NPFFR2: variants seen among roughly 807,000 people sequenced by gnomAD.
NPFFR2 encodes G-protein coupled receptor 74.
Under a neutral mutation model 13.1 loss-of-function variants are expected in NPFFR2, and 15 were observed. The ratio of observed to expected loss-of-function variants is 1.15; its 90% confidence interval spans 0.77 to 1.76. The LOEUF (loss-of-function observed/expected upper bound fraction) is 1.76, where lower values mean the gene tolerates loss of function less well. Ranked by LOEUF, NPFFR2 falls within the 40% of genes most tolerant of loss-of-function variation. The pLI, the probability that NPFFR2 is intolerant of heterozygous loss-of-function variation, is 0.00. For missense variants in NPFFR2, 572 were observed against 503.5 expected, an observed-to-expected ratio of 1.14 and a Z score of -1.30; for synonymous variants, 190 against 175.7, an observed-to-expected ratio of 1.08 and a Z score of -0.65.
intron 1 of NPFFR2, among the ~76,000 whole-genome samples, chr4:72,094,784 A>G (rs1172531687): frequency 6.6e-6 from 1 of 152,186 alleles, no homozygotes; most frequent in Non-Finnish European, 1.5e-5. Flanking sequence ...CTGCTGCCCC[A>G]CAGAGCCTGC....
intron 1 of NPFFR2, among the ~76,000 whole-genome samples, chr4:72,103,224 G>A (rs1721308688): frequency 6.6e-6 from 1 of 152,118 alleles, no homozygotes; most frequent in Non-Finnish European, 1.5e-5. Context: ...TATAAAAATT[G>A]TTTAAGGTCT....
chr4:72,141,758 G>A (rs187924219), intron 3 of NPFFR2, among the ~76,000 whole-genome samples: 50 of 152,160 alleles, frequency 3.3e-4, no homozygotes, highest in African/African-American at 1.1e-3. Flanking sequence ...TGGAGAGTTC[G>A]GTAGGCATCT....
At chr4:72,057,389 T>C (rs983924430) in intron 1 of NPFFR2, among the ~76,000 whole-genome samples, 1 of 151,970 alleles carries the variant, frequency 6.6e-6, no homozygotes, top group African/African-American at 2.4e-5. Context: ...AAGGACCAAG[T>C]TGCCTTGAAA....
rs141155363 is a variant in NPFFR2 at position 72,118,494 on chromosome 4, C to G, written c.-7-10091C>G. Among the ~76,000 whole-genome samples the G allele has an allele frequency of 3.5e-3, 533 of 152,212 alleles. 3 individuals are homozygous for G. Among genetic ancestry groups the G allele is most frequent in the Non-Finnish European group, 5.6e-3 (378 of 68,014 alleles). On this transcript the variant is annotated intron_variant, in intron 1 of 3. Transcript: ENST00000308744. The stretch of plus-strand genomic sequence containing the variant: ...ACGCAGGTATTAATCATGAATCTAT[C>G]TTCCAGTAAATATCAATAGAAAACA...
intron 1 of NPFFR2, among the ~76,000 whole-genome samples, chr4:72,106,161 T>C (rs893039562): frequency 2.0e-5 from 3 of 151,954 alleles, no homozygotes; most frequent in Non-Finnish European, 4.4e-5. Context: ...GAGTTTAATA[T>C]ACAAGCCGAA....
chr4:72,147,255 G>A lies in NPFFR2; in HGVS notation c.706G>A (p.Val236Ile), dbSNP rs1368756571. The A allele has an allele frequency of 6.2e-7, 1 of 1,614,102 alleles. No homozygotes were observed. The highest frequency in any genetic ancestry group is 8.5e-7 in the Non-Finnish European group (1 of 1,180,030). Residue 236 changes from valine to isoleucine, a missense_variant, in exon 4 of 4, where the codon GTC becomes ATC. By Grantham distance (29) the Val-to-Ile change is conservative (BLOSUM62 3). Transcript: ENST00000308744. Reference sequence around the variant, plus strand: ...CTACCTGGCTCCCCTCTCCCTCATTGTCATCATGTATGGAAGGATTGGAAT... The same window carrying A: ...CTACCTGGCTCCCCTCTCCCTCATTATCATCATGTATGGAAGGATTGGAAT... Reference protein sequence around the residue: ...NIYLAPLSLIVIMYGRIGISL... With the variant: ...NIYLAPLSLIIIMYGRIGISL...
rs376171568 is a variant in NPFFR2 at position 72,049,158 on chromosome 4, AT to A, written c.-8+16959del. 4.7e-3 allele frequency among the ~76,000 whole-genome samples: 714 copies of A among 152,292 alleles called. 4 individuals are homozygous for A. The highest frequency in any genetic ancestry group is 0.04 in the South Asian group (191 of 4,834). ...GAATAATAAAGACAAAACTTTAAAA[AT>A]AGAACTGTTTGAACTGAGAGCTCAC... On this transcript the variant is annotated intron_variant, in intron 1 of 3. Coordinates refer to ENST00000308744, the MANE Select transcript of NPFFR2 (RefSeq NM_004885.3).
At chr4:72,091,025 A>T (rs1047142625) in intron 1 of NPFFR2, among the ~76,000 whole-genome samples, 1 of 151,562 alleles carries the variant, frequency 6.6e-6, no homozygotes, top group African/African-American at 2.4e-5. Flanking sequence ...CATAAACGTT[A>T]ATCTATTTTA....
chr4:72,117,308 A>T (rs968602470), intron 1 of NPFFR2, among the ~76,000 whole-genome samples: 19 of 152,134 alleles, frequency 1.2e-4, no homozygotes, highest in South Asian at 6.2e-4. Flanking sequence ...CTTCCTAATT[A>T]TCCTCATTTT....
chr4:72,120,466 A>G (rs1009787917), intron 1 of NPFFR2, among the ~76,000 whole-genome samples: 2 of 152,126 alleles, frequency 1.3e-5, no homozygotes, highest in African/African-American at 4.8e-5. Context: ...ACTGGGAGAC[A>G]CCTCCCAGCA....
intron 1 of NPFFR2, among the ~76,000 whole-genome samples, chr4:72,044,800 C>T (rs2109758879): frequency 6.6e-6 from 1 of 152,034 alleles, no homozygotes; most frequent in South Asian, 2.1e-4. Context: ...GATATTAGTG[C>T]CTTTTTGGAT....
At chr4:72,037,473 T>C (rs1303672731) in intron 1 of NPFFR2, among the ~76,000 whole-genome samples, 9 of 151,930 alleles carry the variant, frequency 5.9e-5, no homozygotes, top group Non-Finnish European at 1.3e-4. Context: ...TTTCTGTCCT[T>C]GCATTCTTGG....
intron 1 of NPFFR2, among the ~76,000 whole-genome samples, chr4:72,082,703 G>A (rs77147625): frequency 0.029 from 4,472 of 151,854 alleles, 211 homozygotes; most frequent in African/African-American, 0.1. Context: ...TTAAGTATAC[G>A]CTACATTATT....
intron 2 of NPFFR2, among the ~76,000 whole-genome samples, chr4:72,130,862 T>C (rs1224643006): frequency 6.6e-6 from 1 of 152,078 alleles, no homozygotes; most frequent in African/African-American, 2.4e-5. Context: ...GGTACCTGAG[T>C]TCCTGTCTGG....
At chr4:72,073,052 A>C (rs1312242855) in intron 1 of NPFFR2, among the ~76,000 whole-genome samples, 1 of 152,092 alleles carries the variant, frequency 6.6e-6, no homozygotes, top group Non-Finnish European at 1.5e-5. Flanking sequence ...TGATTCAACT[A>C]TATGCCATCT....
In NPFFR2 at chr4:72,147,173, A is replaced by G; in HGVS notation, c.624A>G (p.Glu208=). ...NKTSPVYWCR[E]DWPNQEMRKI... is the part of the protein sequence containing the mutation. Reference sequence around the variant, plus strand: ...CCAGTCCAGTCTACTGGTGCCGGGAAGACTGGCCAAATCAGGAAATGAGGA... The same window carrying G: ...CCAGTCCAGTCTACTGGTGCCGGGAGGACTGGCCAAATCAGGAAATGAGGA... The change falls in exon 4 of 4, where the codon GAA becomes GAG. Residue 208 remains glutamate (E), a synonymous_variant. Transcript: ENST00000308744. 3 of 1,610,430 alleles carry G rather than the reference A, an allele frequency of 1.9e-6. No individual in the cohort carries two copies. Among genetic ancestry groups the G allele is most frequent in the Non-Finnish European group, 2.5e-6 (3 of 1,178,326 alleles).
At chr4:72,112,693 A>G (rs904911027) in intron 1 of NPFFR2, among the ~76,000 whole-genome samples, 1 of 151,906 alleles carries the variant, frequency 6.6e-6, no homozygotes, top group African/African-American at 2.4e-5. Flanking sequence ...TGTGAGTCAT[A>G]TGTCTCATAT....
chr4:72,103,171 A>G (rs571827719), intron 1 of NPFFR2, among the ~76,000 whole-genome samples: 2 of 152,296 alleles, frequency 1.3e-5, no homozygotes, highest in East Asian at 3.9e-4. Context: ...ATGATTTATT[A>G]AGGCAGTTGC....
intron 3 of NPFFR2, among the ~76,000 whole-genome samples, chr4:72,142,248 C>T (rs556322483): frequency 5.4e-4 from 82 of 152,206 alleles, no homozygotes; most frequent in South Asian, 1.9e-3. Context: ...GGGCATTTAT[C>T]GCATTTACAT....
Sources: gnomAD v4.1 joint callset for allele counts (sites outside exome capture counted in the v4.1 genomes callset) on GRCh38, gnomAD v4.1.1 for gene constraint, MANE v1.5 for transcripts, NCBI Gene and HGNC (gene_info 2026-07-23, HGNC 2026-07-21) for gene names.